Variants in SEMA5A observed in about 807,000 individuals in gnomAD.
The protein encoded by SEMA5A is semaphorin 5A.
In SEMA5A, 55 loss-of-function variants were observed where a neutral mutation model predicts 135.5. That is an observed-to-expected ratio of 0.41 (90% CI 0.33 to 0.51). SEMA5A has a LOEUF of 0.51. Among genes scored for constraint, SEMA5A ranks in the 20% least tolerant of loss-of-function variants. The pLI is 0.37. For synonymous variants in SEMA5A, 580 were observed against 546.5 expected (o/e 1.06, Z -0.85); for missense variants, 1,290 against 1,419.9 (o/e 0.91, Z 1.47).
chr5:9,088,555 G>T (rs150155102), intron 16 of SEMA5A, among the ~76,000 whole-genome samples: 2 of 148,432 alleles, frequency 1.3e-5, no homozygotes, highest in African/African-American at 5.0e-5. Flanking sequence ...ACAAAATGTC[G>T]GGAATGAGAT....
At chr5:9,428,169 C>CTATCT (rs1561245298) in intron 2 of SEMA5A, among the ~76,000 whole-genome samples, 9 of 51,656 alleles carry the variant, frequency 1.7e-4, no homozygotes, top group African/African-American at 5.7e-4. Flanking sequence ...TCTATCTATC[C>CTATCT]ATCCATCCAT....
Position 9,226,934 on chromosome 5 carries a change from C to A in SEMA5A, c.367G>T (p.Val123Leu). The A allele has an allele frequency of 1.3e-6, 2 of 1,574,762 alleles. No homozygotes were observed. The highest frequency in any genetic ancestry group is 1.7e-6 in the Non-Finnish European group (2 of 1,158,132). The change falls in exon 7 of 23, where the codon GTG (valine) becomes TTG (leucine). Residue 123 changes from valine (V) to leucine (L), a missense_variant. Coordinates refer to ENST00000382496, the MANE Select transcript of SEMA5A (RefSeq NM_003966.3). ...CAGGTGAATAACCGGTCGCCACCCACCAGAAGCACCCGGATGTAGTTCTGA... is the reference window on the plus strand; with the variant it reads ...CAGGTGAATAACCGGTCGCCACCCAACAGAAGCACCCGGATGTAGTTCTGA... ...ECQNYIRVLL[V>L]GGDRLFTCGT...
chr5:9,525,361 CAGA>C lies in SEMA5A; in HGVS notation c.-175+20220_-175+20222del, dbSNP rs568244515. Reference sequence around the variant, plus strand: ...AGCAACAGTAAAGGCACCAGGATTTCAGAAGAAGCCAAGATCAATGTAAAAGGA... The same window carrying C: ...AGCAACAGTAAAGGCACCAGGATTTCAGAAGCCAAGATCAATGTAAAAGGA... On this transcript the variant is annotated intron_variant, in intron 1 of 22. Coordinates refer to ENST00000382496, the MANE Select transcript of SEMA5A (RefSeq NM_003966.3). Among the ~76,000 whole-genome samples, 75 of 152,332 alleles carry C rather than the reference CAGA, an allele frequency of 4.9e-4. 1 individual carries two copies. The highest frequency in any genetic ancestry group is 1.8e-3 in the African/African-American group (74 of 41,570).
chr5:9,227,663 G>A (rs943722414), intron 6 of SEMA5A, among the ~76,000 whole-genome samples: 1 of 149,386 alleles, frequency 6.7e-6, no homozygotes, highest in Non-Finnish European at 1.5e-5. Context: ...CCATTCTCCT[G>A]CCTCAGCCTC....
chr5:9,354,822 G>A (rs1754371799), intron 3 of SEMA5A, among the ~76,000 whole-genome samples: 1 of 152,084 alleles, frequency 6.6e-6, no homozygotes, highest in African/African-American at 2.4e-5. Context: ...AGCTGAGACT[G>A]GAATGACAAG....
intron 9 of SEMA5A, 72 bp downstream of exon 9, chr5:9,201,883 G>C: frequency 7.1e-7 from 1 of 1,414,528 alleles, no homozygotes; most frequent in Non-Finnish European, 9.6e-7. Context: ...TAAAACCTCA[G>C]AGGTCAAAGA....
intron 3 of SEMA5A, 75 bp from the exon 4 acceptor site, chr5:9,337,887 T>A: frequency 1.0e-6 from 1 of 977,560 alleles, no homozygotes; most frequent in Non-Finnish European, 1.5e-6. Flanking sequence ...ATAGTGCACA[T>A]CAGGTAGCAG....
chr5:9,202,756 T>G (rs1745787834), intron 8 of SEMA5A, among the ~76,000 whole-genome samples: 1 of 152,230 alleles, frequency 6.6e-6, no homozygotes, highest in African/African-American at 2.4e-5. Flanking sequence ...TTAAAAATGT[T>G]TTCATTGTTG....
chr5:9,384,651 GATAGATAGAT>G (rs1755793509), intron 2 of SEMA5A, among the ~76,000 whole-genome samples: 4 of 119,146 alleles, frequency 3.4e-5, no homozygotes, highest in Non-Finnish European at 5.6e-5. Context: ...TAGATAGATA[GATAGATAGAT>G]ATAGATAGAT....
chr5:9,165,217 G>A (rs1029469232), intron 11 of SEMA5A, among the ~76,000 whole-genome samples: 2 of 151,746 alleles, frequency 1.3e-5, no homozygotes, highest in African/African-American at 4.8e-5. Context: ...TTTCTCTAAG[G>A]TGCAATAAAA....
chr5:9,305,243 T>G (rs1325301268), intron 5 of SEMA5A, among the ~76,000 whole-genome samples: 4 of 152,182 alleles, frequency 2.6e-5, no homozygotes, highest in Non-Finnish European at 5.9e-5. Context: ...TCAAATTTAT[T>G]TACTAATTTT....
chr5:9,258,115 T>C (rs1561079379), intron 5 of SEMA5A, among the ~76,000 whole-genome samples: 1 of 152,184 alleles, frequency 6.6e-6, no homozygotes, highest in South Asian at 2.1e-4. Context: ...TCAAATGGCA[T>C]GGCATATTAC....
chr5:9,485,614 G>T (rs1449227700), intron 1 of SEMA5A, among the ~76,000 whole-genome samples: 1 of 152,142 alleles, frequency 6.6e-6, no homozygotes, highest in African/African-American at 2.4e-5. Context: ...AGCCACCAGG[G>T]TGACCGCTTG....
chr5:9,480,615 C>T (rs1302887124), intron 1 of SEMA5A, among the ~76,000 whole-genome samples: 6 of 152,210 alleles, frequency 3.9e-5, no homozygotes, highest in African/African-American at 1.4e-4. Flanking sequence ...CACAAATCTG[C>T]TCTTACTGCC....
At chr5:9,213,699 T>C (rs1177063275) in intron 8 of SEMA5A, among the ~76,000 whole-genome samples, 1 of 152,130 alleles carries the variant, frequency 6.6e-6, no homozygotes, top group African/African-American at 2.4e-5. Context: ...TTTCATACTA[T>C]GATGGAAAGA....
At chr5:9,054,603 T>C (rs1434347191) in intron 18 of SEMA5A, among the ~76,000 whole-genome samples, 1 of 152,154 alleles carries the variant, frequency 6.6e-6, no homozygotes, top group East Asian at 1.9e-4. Flanking sequence ...TTCCAGCCCC[T>C]GAGAACAACC....
chr5:9,361,698 CA>C (rs1421801508), intron 3 of SEMA5A, among the ~76,000 whole-genome samples: 1 of 152,142 alleles, frequency 6.6e-6, no homozygotes, highest in African/African-American at 2.4e-5. Flanking sequence ...TAGGTTGGTG[CA>C]AAAGTAATTG....
At chr5:9,135,179 C>CTTT (rs11297927) in intron 13 of SEMA5A, among the ~76,000 whole-genome samples, 4 of 123,530 alleles carry the variant, frequency 3.2e-5, no homozygotes, top group Non-Finnish European at 3.3e-5. Flanking sequence ...TTCCGACTTT[C>CTTT]TTTTTTTTTT....
At chr5:9,497,920 T>C (rs1226307934) in intron 1 of SEMA5A, among the ~76,000 whole-genome samples, 1 of 152,228 alleles carries the variant, frequency 6.6e-6, no homozygotes, top group South Asian at 2.1e-4. Context: ...TAGTAAATTA[T>C]GTGCAACTCC....
Sources: gnomAD v4.1 joint callset for allele counts (sites outside exome capture counted in the v4.1 genomes callset) on GRCh38, gnomAD v4.1.1 for gene constraint, MANE v1.5 for transcripts, NCBI Gene and HGNC (gene_info 2026-07-23, HGNC 2026-07-21) for gene names.